The following AADACL4 variants were observed in gnomAD, a reference collection of about 807,000 sequenced individuals.
AADACL4 encodes the protein arylacetamide deacetylase like 4, also known as arylacetamide deacetylase-like 4.
A neutral mutation model predicts 14.1 loss-of-function variants in AADACL4; 9 were observed. The ratio of observed to expected loss-of-function variants is 0.64; its 90% CI spans 0.39 to 1.12. AADACL4 has a LOEUF of 1.12. AADACL4 is among the 50% of genes most tolerant of loss of function. The pLI, the probability that AADACL4 is intolerant of heterozygous loss-of-function variation, is 0.01. For synonymous variants in AADACL4, 188 were observed against 201.6 expected, an observed-to-expected ratio of 0.93 and a Z score of 0.57; for missense variants, 531 against 516.1, an observed-to-expected ratio of 1.03 and a Z score of -0.28.
At chr1:12,644,747 G>C (rs200008558) in intron 1 of AADACL4, 33 bp downstream of exon 1, 1 of 1,605,136 alleles carries the variant, frequency 6.2e-7, no homozygotes, top group East Asian at 2.2e-5. Flanking sequence ...TCGTAACCTG[G>C]GGGCTTCTTC....
chr1:12,649,934 T>A (rs1647135117), intron 1 of AADACL4, among the ~76,000 whole-genome samples: 1 of 152,212 alleles, frequency 6.6e-6, no homozygotes, highest in Non-Finnish European at 1.5e-5. Context: ...GCATCTTACT[T>A]GTTGAACAAC....
At chr1:12,657,964 C>G (rs190844910) in intron 2 of AADACL4, among the ~76,000 whole-genome samples, 202 of 152,194 alleles carry the variant, frequency 1.3e-3, no homozygotes, top group African/African-American at 4.5e-3. Context: ...TGTGAAACTG[C>G]TGCCTGGAAT....
chr1:12,651,040 C>T (rs1647141988), intron 1 of AADACL4, 83 bp from the exon 2 acceptor site: 1 of 1,363,596 alleles, frequency 7.3e-7, no homozygotes, highest in East Asian at 2.3e-5. Flanking sequence ...TGAAAACATC[C>T]TAACAATTCT....
At position 12,658,399 on chromosome 1, in the gene AADACL4, C is replaced by T. The variant is rs112106591; in HGVS notation, c.386-3392C>T. On this transcript the variant is annotated intron_variant, in intron 2 of 3. Coordinates refer to ENST00000376221, the MANE Select transcript of AADACL4 (RefSeq NM_001013630.2). ...TCAGCCTCCCAAGCAGCTGAGATTA[C>T]AGGCGCGTGCCACCACACCTGGATA... Among the ~76,000 whole-genome samples the T allele has an allele frequency of 8.3e-3, 1,257 of 152,138 alleles. 9 individuals carry two copies. Among genetic ancestry groups the T allele is most frequent in the Non-Finnish European group, 0.014 (961 of 68,036 alleles).
rs202203165 is a variant in AADACL4 at position 12,661,859 on chromosome 1, G to A, written c.449+5G>A. On this transcript the variant is annotated splice_donor_5th_base_variant and intron_variant, in intron 3 of 3. Transcript: ENST00000376221. ...ATCTGTACTTCTGATGATTGGGTGA[G>A]TTTCTGGAGACAGCTGGTAGGTTCC... The A allele has an allele frequency of 2.3e-5, 37 of 1,613,938 alleles. No individual in the cohort carries two copies. The highest frequency in any genetic ancestry group is 3.4e-6 in the Non-Finnish European group (4 of 1,179,908).
intron 3 of AADACL4, among the ~76,000 whole-genome samples, 194 bp from the exon 4 acceptor site, chr1:12,665,767 C>T (rs1176815529): frequency 6.6e-6 from 1 of 152,022 alleles, no homozygotes; most frequent in South Asian, 2.1e-4. Context: ...AGTTAAGAAT[C>T]CTTGCCTGTA....
Position 12,651,270 on chromosome 1 carries a change from G to C in AADACL4, c.316G>C (p.Ala106Pro). 1 of 1,614,194 alleles carries C rather than the reference G, an allele frequency of 6.2e-7. No individual in the cohort carries two copies. The highest frequency in any genetic ancestry group is 8.5e-7 in the Non-Finnish European group (1 of 1,180,046). The change falls in exon 2 of 4, where the codon GCA (alanine) becomes CCA (proline). Residue 106 changes from alanine to proline, a missense_variant. Ala to Pro is a conservative substitution (Grantham distance 27, BLOSUM62 -1). Transcript: ENST00000376221. Reference protein sequence around the residue: ...TIPVRLFQPKAASSRPRRGII... With the variant: ...TIPVRLFQPKPASSRPRRGII... Reference sequence around the variant, plus strand: ...ACCCGTGAGGCTGTTCCAGCCGAAGGCAGCATCCTCCAGACCCCGGCGAGG... The same window carrying C: ...ACCCGTGAGGCTGTTCCAGCCGAAGCCAGCATCCTCCAGACCCCGGCGAGG...
intron 2 of AADACL4, among the ~76,000 whole-genome samples, chr1:12,660,396 C>G (rs958809209): frequency 6.6e-6 from 1 of 152,156 alleles, no homozygotes; most frequent in Non-Finnish European, 1.5e-5. Flanking sequence ...GTCTTGCCTA[C>G]CTCACCCTAG....
intron 1 of AADACL4, 36 bp downstream of exon 1, chr1:12,644,750 G>A (rs975204985): frequency 6.2e-7 from 1 of 1,602,848 alleles, no homozygotes; most frequent in Non-Finnish European, 8.5e-7. Context: ...TAACCTGGGG[G>A]CTTCTTCTCT....
At chr1:12,664,223 C>T (rs967681253) in intron 3 of AADACL4, among the ~76,000 whole-genome samples, 5 of 151,816 alleles carry the variant, frequency 3.3e-5, no homozygotes, top group Admixed American at 2.6e-4. Context: ...TTTTTTTCTT[C>T]GAAATGAAAA....
chr1:12,655,566 T>C (rs528431937), intron 2 of AADACL4, among the ~76,000 whole-genome samples: 3 of 151,776 alleles, frequency 2.0e-5, no homozygotes, highest in Admixed American at 2.0e-4. Context: ...TTTTCACACT[T>C]GAAGCAGTAA....
At chr1:12,652,122 C>A (rs1647152455) in intron 2 of AADACL4, among the ~76,000 whole-genome samples, 1 of 152,116 alleles carries the variant, frequency 6.6e-6, no homozygotes, top group Non-Finnish European at 1.5e-5. Context: ...CACGCCCAGC[C>A]TTCCAGAGGG....
chr1:12,645,008 T>C, intron 1 of AADACL4, among the ~76,000 whole-genome samples: 1 of 140,392 alleles, frequency 7.1e-6, no homozygotes, highest in East Asian at 2.3e-4. Flanking sequence ...TCCCTCTCCT[T>C]CCTCCTTCCC....
intron 2 of AADACL4, among the ~76,000 whole-genome samples, chr1:12,661,494 G>GT (rs201230824): frequency 6.6e-6 from 1 of 152,042 alleles, no homozygotes; most frequent in Admixed American, 6.6e-5. Flanking sequence ...ACTTCCCTTG[G>GT]TTTTTTTCCA....
At chr1:12,663,361 A>G (rs1647260309) in intron 3 of AADACL4, among the ~76,000 whole-genome samples, 1 of 152,162 alleles carries the variant, frequency 6.6e-6, no homozygotes, top group African/African-American at 2.4e-5. Flanking sequence ...GGCTCTGGTG[A>G]AGACCCTTTT....
At chr1:12,650,694 A>G (rs1224836069) in intron 1 of AADACL4, among the ~76,000 whole-genome samples, 1 of 151,882 alleles carries the variant, frequency 6.6e-6, no homozygotes, top group African/African-American at 2.4e-5. Flanking sequence ...CACCATGCCC[A>G]GCTGATTTTT....
At chr1:12,657,235 G>T (rs1282964220) in intron 2 of AADACL4, among the ~76,000 whole-genome samples, 3 of 151,892 alleles carry the variant, frequency 2.0e-5, no homozygotes, top group Non-Finnish European at 4.4e-5. Flanking sequence ...TGACCCATCA[G>T]GGTGAATTGG....
intron 1 of AADACL4, 105 bp downstream of exon 1, chr1:12,644,819 C>A (rs760423233): frequency 1.7e-5 from 22 of 1,263,040 alleles, no homozygotes; most frequent in Non-Finnish European, 2.4e-5. Flanking sequence ...TCTCTCTCTT[C>A]GGACTCCCTC....
intron 3 of AADACL4, among the ~76,000 whole-genome samples, chr1:12,665,638 A>G (rs1647306466): frequency 6.6e-6 from 1 of 152,096 alleles, no homozygotes; most frequent in African/African-American, 2.4e-5. Context: ...TAGTGGTTTC[A>G]TTTGCCTTTT....
Sources: gnomAD v4.1 joint callset for allele counts (sites outside exome capture counted in the v4.1 genomes callset) on GRCh38, gnomAD v4.1.1 for gene constraint, MANE v1.5 for transcripts, NCBI Gene and HGNC (gene_info 2026-07-23, HGNC 2026-07-21) for gene names.